Variants in GALNT10 observed in about 807,000 individuals in gnomAD.
GALNT10 encodes the protein GalNAc transferase 10.
Under a neutral mutation model 75.0 loss-of-function variants are expected in GALNT10, and 41 were observed. That is an observed-to-expected ratio of 0.55 (90% CI 0.43 to 0.71). The LOEUF is 0.71. Ranked by LOEUF, GALNT10 falls within the 30% of genes least tolerant of loss-of-function variation. The pLI is 0.00. For missense variants in GALNT10, 727 were observed against 818.5 expected (o/e 0.89, Z 1.36); for synonymous variants, 302 against 313.0 (o/e 0.96, Z 0.37).
Position 154,393,553 on chromosome 5 carries a change from C to A in GALNT10, c.1056+7123C>A, listed in dbSNP as rs142170736. On this transcript the variant is annotated intron_variant, in intron 7 of 11. Transcript: ENST00000297107. ...CAGGAAAAGTTACAAGAAGAAGGGG[C>A]CAGGCACAGTGGCTCATGCCCGTAA... Among the ~76,000 whole-genome samples the A allele has an allele frequency of 8.5e-5, 13 of 152,254 alleles. No individual in the cohort carries two copies. The East Asian group carries it at 2.5e-3, about 29-fold the overall frequency.
intron 1 of GALNT10, among the ~76,000 whole-genome samples, chr5:154,263,029 AC>A (rs1424002597): frequency 9.2e-5 from 14 of 152,196 alleles, no homozygotes; most frequent in African/African-American, 2.7e-4. Context: ...AGAAATTGGA[AC>A]CCTCAGACAT....
At chr5:154,203,473 G>C (rs772930030) in intron 1 of GALNT10, among the ~76,000 whole-genome samples, 2 of 152,140 alleles carry the variant, frequency 1.3e-5, no homozygotes, top group Non-Finnish European at 2.9e-5. Context: ...ACCTCCTTTA[G>C]CTCAGCAGAG....
At chr5:154,321,615 C>T (rs1412754964) in intron 3 of GALNT10, among the ~76,000 whole-genome samples, 2 of 152,156 alleles carry the variant, frequency 1.3e-5, no homozygotes, top group African/African-American at 4.8e-5. Flanking sequence ...TGAGCCACTG[C>T]ACCTGGCCAC....
At chr5:154,193,739 C>G (rs1284905782) in intron 1 of GALNT10, among the ~76,000 whole-genome samples, 1 of 152,256 alleles carries the variant, frequency 6.6e-6, no homozygotes, top group Non-Finnish European at 1.5e-5. Flanking sequence ...GAGTAGTCCT[C>G]TAACTCCTTG....
intron 3 of GALNT10, among the ~76,000 whole-genome samples, chr5:154,314,904 A>C (rs931929207): frequency 1.3e-5 from 2 of 152,078 alleles, no homozygotes; most frequent in Admixed American, 1.3e-4. Context: ...CAATGTGCAG[A>C]GCATAGAGAT....
intron 3 of GALNT10, among the ~76,000 whole-genome samples, chr5:154,301,709 A>G (rs961848139): frequency 6.6e-6 from 1 of 152,076 alleles, no homozygotes; most frequent in Admixed American, 6.5e-5. Flanking sequence ...ATAAATTTTG[A>G]TAACTATATT....
At chr5:154,346,287 T>C (rs1405810043) in intron 4 of GALNT10, among the ~76,000 whole-genome samples, 1 of 152,140 alleles carries the variant, frequency 6.6e-6, no homozygotes. Flanking sequence ...CTCTTAAGGA[T>C]AGTGATTTTA....
In GALNT10 at chr5:154,417,036, G is replaced by T; in HGVS notation, c.*64G>T. On this transcript the variant is annotated 3_prime_UTR_variant, in exon 12 of 12. Coordinates refer to ENST00000297107, the MANE Select transcript of GALNT10 (RefSeq NM_198321.4). The stretch of plus-strand genomic sequence containing the variant: ...ACTCACTGCAGACTTCCTCTTTCAA[G>T]GGAGGCAGGGCCCCTGTGGGCACTA... 6.8e-7 allele frequency: 1 copy of T among 1,474,870 alleles called. No homozygotes were observed. The highest frequency in any genetic ancestry group is 1.2e-5 in the South Asian group (1 of 86,586). 91.4% of individuals were successfully genotyped at this position (1,474,870 alleles called of 1,614,324 possible).
At chr5:154,384,336 G>T (rs1156885909) in intron 6 of GALNT10, among the ~76,000 whole-genome samples, 1 of 152,182 alleles carries the variant, frequency 6.6e-6, no homozygotes, top group South Asian at 2.1e-4. Context: ...AGCTGCATAT[G>T]TGATATTATT....
Position 154,346,139 on chromosome 5 carries a change from CGTGT to C in GALNT10, c.568+16421_568+16424del, listed in dbSNP as rs36124544. ...TAAGGCTGAATAATATTCGTGTGTG[CGTGT>C]GTGTGTGTGTGTGTGTGTGAGATAG... is the stretch of plus-strand genomic sequence containing the variant. On this transcript the variant is annotated intron_variant, in intron 4 of 11. Coordinates refer to ENST00000297107, the MANE Select transcript of GALNT10 (RefSeq NM_198321.4). 7.2e-3 allele frequency among the ~76,000 whole-genome samples: 1,062 copies of C among 147,814 alleles called. 6 individuals carry two copies. The highest frequency in any genetic ancestry group is 0.01 in the Middle Eastern group (3 of 290).
Position 154,319,130 on chromosome 5 carries a change from G to C in GALNT10, c.402-10442G>C, listed in dbSNP as rs558604726. 7.9e-5 allele frequency among the ~76,000 whole-genome samples: 12 copies of C among 152,342 alleles called. No individual in the cohort carries two copies. The East Asian group carries it at 2.3e-3, about 29-fold the overall frequency. On this transcript the variant is annotated intron_variant, in intron 3 of 11. Transcript: ENST00000297107. ...CTCTGCCTGGTCCTGACCCCAGAGA[G>C]ACTCTTCCAAGCACCTCAGGAGGCC...
chr5:154,311,078 C>T (rs1035765645), intron 3 of GALNT10, among the ~76,000 whole-genome samples: 25 of 152,320 alleles, frequency 1.6e-4, no homozygotes, highest in African/African-American at 6.0e-4. Flanking sequence ...CTACTCCCTA[C>T]AATTTATGCT....
intron 1 of GALNT10, among the ~76,000 whole-genome samples, chr5:154,253,100 T>G (rs1324192128): frequency 6.6e-6 from 1 of 151,568 alleles, no homozygotes; most frequent in Non-Finnish European, 1.5e-5. Context: ...CGTTTCTGAG[T>G]CTAATTTTAA....
rs1755806264 is a variant in GALNT10 at position 154,386,365 on chromosome 5, G to A, written c.991G>A (p.Glu331Lys). The change falls in exon 7 of 12, where the codon GAA (glutamate) becomes AAA (lysine). Residue 331 changes from glutamate to lysine, a missense_variant. By Grantham distance (56) the Glu-to-Lys change is moderately conservative (BLOSUM62 1). Coordinates refer to ENST00000297107, the MANE Select transcript of GALNT10 (RefSeq NM_198321.4). ...LFAVDRKWFW[E>K]LGGYDPGLEI... ...CGCCGTGGATCGGAAGTGGTTCTGG[G>A]AACTCGGCGGGTATGACCCAGGCTT... 1.9e-6 allele frequency: 3 copies of A among 1,614,122 alleles called. No individual in the cohort carries two copies. Among genetic ancestry groups the A allele is most frequent in the African/African-American group, 1.3e-5 (1 of 75,036 alleles).
At chr5:154,305,075 G>T (rs1284559050) in intron 3 of GALNT10, among the ~76,000 whole-genome samples, 1 of 152,174 alleles carries the variant, frequency 6.6e-6, no homozygotes, top group Non-Finnish European at 1.5e-5. Flanking sequence ...GCTGAGGCAG[G>T]AGGATCGCTT....
intron 1 of GALNT10, among the ~76,000 whole-genome samples, chr5:154,292,811 G>C (rs28421979): frequency 1.3e-5 from 2 of 152,074 alleles, no homozygotes; most frequent in Non-Finnish European, 2.9e-5. Context: ...GGCAGAGCAA[G>C]CCCCTACTCT....
chr5:154,205,697 T>A (rs1775095192), intron 1 of GALNT10, among the ~76,000 whole-genome samples: 1 of 152,174 alleles, frequency 6.6e-6, no homozygotes, highest in Non-Finnish European at 1.5e-5. Flanking sequence ...TGTGACTGAC[T>A]GATATCCTTA....
intron 1 of GALNT10, among the ~76,000 whole-genome samples, chr5:154,288,928 T>C (rs1280952954): frequency 1.3e-5 from 2 of 152,202 alleles, no homozygotes; most frequent in Non-Finnish European, 2.9e-5. Flanking sequence ...ACTTTTTTCT[T>C]TCCTTGAAGA....
chr5:154,262,994 A>T (rs1031532437), intron 1 of GALNT10, among the ~76,000 whole-genome samples: 1 of 152,212 alleles, frequency 6.6e-6, no homozygotes, highest in African/African-American at 2.4e-5. Flanking sequence ...GAGACAGACA[A>T]TAACAAGTGT....
Sources: allele counts gnomAD v4.1 joint callset (sites outside exome capture counted in the v4.1 genomes callset), GRCh38; gene constraint gnomAD v4.1.1; transcripts MANE v1.5; gene names NCBI Gene and HGNC (gene_info 2026-07-23, HGNC 2026-07-21).